NDRG4: variants seen among roughly 807,000 people sequenced by gnomAD.
NDRG4 encodes the protein NDRG family member 4, also known as protein NDRG4.
In NDRG4, 38 loss-of-function variants were observed where a neutral mutation model predicts 55.8. The observed-to-expected ratio is 0.68, with a 90% CI of 0.53 to 0.89. The LOEUF (loss-of-function observed/expected upper bound fraction) is 0.89, where lower values mean the gene tolerates loss of function less well. Among genes scored for constraint, NDRG4 ranks in the 40% least tolerant of loss-of-function variants. NDRG4 has a pLI of 0.00. For missense variants in NDRG4, 455 were observed against 468.6 expected, an observed-to-expected ratio of 0.97 and a Z score of 0.27; for synonymous variants, 190 against 182.7, an observed-to-expected ratio of 1.04 and a Z score of -0.32.
At chr16:58,493,202 C>T (rs1452104786) in intron 2 of NDRG4, among the ~76,000 whole-genome samples, 2 of 152,194 alleles carry the variant, frequency 1.3e-5, no homozygotes, top group Non-Finnish European at 2.9e-5. Context: ...TAGCTGACTG[C>T]TTCCCTCATC....
At chr16:58,481,725 A>G (rs1315477718) in intron 1 of NDRG4, among the ~76,000 whole-genome samples, 1 of 152,096 alleles carries the variant, frequency 6.6e-6, no homozygotes, top group African/African-American at 2.4e-5. Flanking sequence ...GAGGACTTGC[A>G]CCAGTCAGTT....
chr16:58,509,738 C>G (rs939291638), intron 13 of NDRG4, among the ~76,000 whole-genome samples: 10 of 152,162 alleles, frequency 6.6e-5, no homozygotes, highest in Non-Finnish European at 1.5e-4. Flanking sequence ...GGCTTGGGGT[C>G]AGAGCTGGGT....
At chr16:58,473,454 G>A (rs563681053) in intron 1 of NDRG4, among the ~76,000 whole-genome samples, 12 of 152,186 alleles carry the variant, frequency 7.9e-5, no homozygotes, top group Middle Eastern at 3.4e-3. Flanking sequence ...CTGAGCCACC[G>A]TGCTAACCTG....
chr16:58,483,901 C>A (rs1311418879), intron 1 of NDRG4, among the ~76,000 whole-genome samples: 3 of 152,064 alleles, frequency 2.0e-5, no homozygotes, highest in African/African-American at 7.2e-5. Flanking sequence ...CCCATCTCTA[C>A]AAAAAATGAA....
rs781032679 is a variant in NDRG4 at position 58,478,966 on chromosome 16, A to AT, written c.-23-8781dup. The stretch of plus-strand genomic sequence containing the variant: ...ACAGTTTACCCTGAATCATTTGAGG[A>AT]TTTTTTTTTGGAAGTTGCCAATATA... On this transcript the variant is annotated intron_variant, in intron 1 of 15. Coordinates refer to the NDRG4 transcript ENST00000258187. Among the ~76,000 whole-genome samples, 552 of 151,286 alleles carry AT rather than the reference A, an allele frequency of 3.6e-3. 1 individual carries two copies. The highest frequency in any genetic ancestry group is 5.3e-3 in the Non-Finnish European group (359 of 67,782).
At chr16:58,490,885 G>A (rs1419643727) in intron 2 of NDRG4, among the ~76,000 whole-genome samples, 1 of 152,148 alleles carries the variant, frequency 6.6e-6, no homozygotes, top group Non-Finnish European at 1.5e-5. Context: ...GCTGAAGCAG[G>A]AGAATCACTT....
At chr16:58,480,773 C>T (rs1288350313) in intron 1 of NDRG4, among the ~76,000 whole-genome samples, 1 of 152,148 alleles carries the variant, frequency 6.6e-6, no homozygotes, top group African/African-American at 2.4e-5. Context: ...TTAAACCACT[C>T]ATCCATGCAT....
intron 2 of NDRG4, among the ~76,000 whole-genome samples, chr16:58,489,799 C>G (rs116923667): frequency 2.6e-3 from 399 of 152,234 alleles, no homozygotes; most frequent in Non-Finnish European, 3.7e-3. Flanking sequence ...CCCTACTCCC[C>G]ACTCCTGCCT....
intron 1 of NDRG4, among the ~76,000 whole-genome samples, chr16:58,478,700 T>TC (rs1555528532): frequency 6.8e-6 from 1 of 147,966 alleles, no homozygotes; most frequent in Non-Finnish European, 1.5e-5. Flanking sequence ...GTTTTTTGTT[T>TC]TTTTTTTTTG....
At chr16:58,501,821 G>C (rs539374360) in intron 1 of NDRG4, 329 of 360,972 alleles carry the variant, frequency 9.1e-4, no homozygotes, top group African/African-American at 6.7e-3. Flanking sequence ...GGCCTCCTCA[G>C]CAGCAGAGAG....
intron 13 of NDRG4, among the ~76,000 whole-genome samples, chr16:58,509,917 T>C (rs1437979976): frequency 6.6e-6 from 1 of 151,578 alleles, no homozygotes; most frequent in African/African-American, 2.4e-5. Flanking sequence ...GGGTCTGGGG[T>C]GGAACCAGGT....
intron 2 of NDRG4, chr16:58,494,859 A>G: frequency 2.3e-6 from 2 of 876,528 alleles, no homozygotes; most frequent in East Asian, 2.6e-5. Context: ...AAAAGAAAAG[A>G]GAAAAGACAG....
chr16:58,510,966 C>G, intron 14 of NDRG4: 1 of 551,332 alleles, frequency 1.8e-6, no homozygotes, highest in South Asian at 2.5e-5. Context: ...GAGCCCAGGC[C>G]TGGCCCTGCC....
At chr16:58,492,747 T>C (rs147588742) in intron 2 of NDRG4, among the ~76,000 whole-genome samples, 284 of 152,250 alleles carry the variant, frequency 1.9e-3, no homozygotes, top group Middle Eastern at 3.4e-3. Flanking sequence ...AACTGCCGCC[T>C]CTGTCCTTCT....
intron 1 of NDRG4, among the ~76,000 whole-genome samples, chr16:58,486,700 TACACACACACACACACACAC>T (rs56119933): frequency 0.024 from 3,083 of 128,130 alleles, 48 homozygotes; most frequent in Non-Finnish European, 0.034. Flanking sequence ...CACTGGCTCC[TACACACACACACACACACAC>T]ACACACACAC....
At chr16:58,496,554 G>A (rs2036433535), upstream of NDRG4, among the ~76,000 whole-genome samples, 2 of 152,170 alleles carry the variant, frequency 1.3e-5, no homozygotes, top group East Asian at 3.9e-4. Context: ...GCAGCCAGTG[G>A]GGGAGGTAGT....
chr16:58,506,270 CACAGACCCGGCTGT>C, intron 5 of NDRG4, 103 bp from the exon 6 acceptor site: 1 of 967,666 alleles, frequency 1.0e-6, no homozygotes, highest in South Asian at 1.3e-5. Context: ...GGTGTGCATG[CACAGACCCGGCTGT>C]AGCCGGGTGG....
At chr16:58,483,620 G>T in intron 1 of NDRG4, among the ~76,000 whole-genome samples, 1 of 152,234 alleles carries the variant, frequency 6.6e-6, no homozygotes, top group East Asian at 1.9e-4. Flanking sequence ...GCCCCTCTGC[G>T]TGCAGCTATG....
At chr16:58,504,038 A>G in intron 2 of NDRG4, 116 bp from the exon 3 acceptor site, 1 of 1,577,284 alleles carries the variant, frequency 6.3e-7, no homozygotes, top group Non-Finnish European at 8.6e-7. Flanking sequence ...CCGGGCCTCC[A>G]TTTCCCCGAC....
Sources: gnomAD v4.1 joint callset for allele counts (sites outside exome capture counted in the v4.1 genomes callset) on GRCh38, gnomAD v4.1.1 for gene constraint, MANE v1.5 for transcripts, NCBI Gene and HGNC (gene_info 2026-07-23, HGNC 2026-07-21) for gene names.